CTNNA3: variants seen among roughly 807,000 people sequenced by gnomAD.
CTNNA3 encodes the protein catenin alpha-3.
Under a neutral mutation model 95.7 loss-of-function variants are expected in CTNNA3, and 76 were observed. The ratio of observed to expected loss-of-function variants is 0.79; its 90% CI spans 0.66 to 0.96. The LOEUF (loss-of-function observed/expected upper bound fraction) is 0.96. Ranked by LOEUF, CTNNA3 falls within the 40% of genes least tolerant of loss-of-function variation. The pLI is 0.00. For synonymous variants in CTNNA3, 431 were observed against 374.4 expected (o/e 1.15, Z -1.74); for missense variants, 1,191 against 1,089.8 (o/e 1.09, Z -1.31).
At chr10:66,360,816 CCTTTCTTTCTTTCTTTCTTTCTTT>C (rs758092288) in intron 12 of CTNNA3, among the ~76,000 whole-genome samples, 2 of 50,226 alleles carry the variant, frequency 4.0e-5, no homozygotes, top group African/African-American at 1.6e-4. Context: ...TTCCTTCCTT[CCTTTCTTTCTTTCTTTCTTTCTTT>C]CTTTCTTTCT....
intron 13 of CTNNA3, among the ~76,000 whole-genome samples, chr10:66,230,839 T>G (rs1001652742): frequency 3.9e-5 from 6 of 152,176 alleles, no homozygotes; most frequent in African/African-American, 1.2e-4. Context: ...TATGCCCTGA[T>G]GTATAGAGCT....
chr10:67,711,710 T>C (rs1841110594), intron 1 of CTNNA3, among the ~76,000 whole-genome samples: 1 of 150,220 alleles, frequency 6.7e-6, no homozygotes, highest in South Asian at 2.1e-4. Flanking sequence ...ATTAGGTATA[T>C]CTCCCGATGC....
chr10:67,737,445 A>G (rs1841308832), intron 1 of CTNNA3, among the ~76,000 whole-genome samples: 1 of 152,164 alleles, frequency 6.6e-6, no homozygotes, highest in Non-Finnish European at 1.5e-5. Flanking sequence ...AAGAACTAGA[A>G]AAGCAGGAAC....
intron 7 of CTNNA3, among the ~76,000 whole-genome samples, chr10:67,092,529 A>C (rs561487647): frequency 6.6e-6 from 1 of 152,114 alleles, no homozygotes; most frequent in African/African-American, 2.4e-5. Context: ...ATTCATATGA[A>C]TGTTCATATA....
At chr10:67,658,946 T>C (rs117570324) in intron 1 of CTNNA3, among the ~76,000 whole-genome samples, 4,570 of 152,216 alleles carry the variant, frequency 0.03, 78 homozygotes, top group Middle Eastern at 0.075. Context: ...TTTTGAAAAA[T>C]GATCAAATTG....
At chr10:66,654,818 C>T (rs1409203534) in intron 9 of CTNNA3, among the ~76,000 whole-genome samples, 1 of 152,004 alleles carries the variant, frequency 6.6e-6, no homozygotes, top group African/African-American at 2.4e-5. Flanking sequence ...CATGGATCCA[C>T]CTGAGGGACA....
intron 12 of CTNNA3, among the ~76,000 whole-genome samples, chr10:66,333,424 T>C (rs2092355635): frequency 6.6e-6 from 1 of 152,096 alleles, no homozygotes; most frequent in Non-Finnish European, 1.5e-5. Flanking sequence ...TTCTGGTATG[T>C]TGTGTCTTTG....
chr10:66,134,263 A>G (rs2083253003), intron 13 of CTNNA3, among the ~76,000 whole-genome samples: 1 of 152,150 alleles, frequency 6.6e-6, no homozygotes, highest in African/African-American at 2.4e-5. Context: ...CAAAAAATTT[A>G]AAATCTTAAT....
chr10:66,584,924 T>A (rs1189541451), intron 10 of CTNNA3, among the ~76,000 whole-genome samples: 3 of 152,068 alleles, frequency 2.0e-5, no homozygotes, highest in Non-Finnish European at 4.4e-5. Context: ...AGAAAAACTA[T>A]TTCTCCTTTA....
intron 1 of CTNNA3, among the ~76,000 whole-genome samples, chr10:67,728,091 TGTAATATACATACATATAC>T (rs1564841947): frequency 7.0e-6 from 1 of 143,444 alleles, no homozygotes; most frequent in African/African-American, 2.5e-5. Flanking sequence ...TTATATAATA[TGTAATATACATACATATAC>T]ATAGGTGTAT....
intron 5 of CTNNA3, among the ~76,000 whole-genome samples, chr10:67,316,223 A>G (rs1218421507): frequency 6.6e-6 from 1 of 152,170 alleles, no homozygotes; most frequent in Non-Finnish European, 1.5e-5. Context: ...CTAAAATTAC[A>G]TCTAGCTATA....
chr10:65,999,077 C>A (rs1169646849), intron 15 of CTNNA3, among the ~76,000 whole-genome samples: 2 of 152,046 alleles, frequency 1.3e-5, no homozygotes, highest in African/African-American at 4.8e-5. Flanking sequence ...ACAAAGATTG[C>A]TTTGTAATAA....
At chr10:67,102,895 G>A (rs190481314) in intron 7 of CTNNA3, among the ~76,000 whole-genome samples, 6 of 151,816 alleles carry the variant, frequency 4.0e-5, no homozygotes, top group Non-Finnish European at 8.8e-5. Flanking sequence ...AGCAGTTTCA[G>A]TCATTTCCAC....
intron 2 of CTNNA3, among the ~76,000 whole-genome samples, chr10:67,628,116 T>C (rs1025849088): frequency 1.3e-4 from 19 of 151,546 alleles, no homozygotes; most frequent in African/African-American, 4.1e-4. Flanking sequence ...AAATTTACTA[T>C]TTGTTTTTAA....
chr10:65,959,392 C>T (rs912935245), intron 17 of CTNNA3, among the ~76,000 whole-genome samples: 1 of 152,160 alleles, frequency 6.6e-6, no homozygotes, highest in Non-Finnish European at 1.5e-5. Context: ...TGGGCTGTAC[C>T]CACTGTCCAA....
intron 5 of CTNNA3, among the ~76,000 whole-genome samples, chr10:67,310,221 G>A (rs1234755137): frequency 6.6e-6 from 1 of 152,090 alleles, no homozygotes; most frequent in African/African-American, 2.4e-5. Context: ...TTTTACCACT[G>A]TAAACCCTCT....
chr10:66,548,547 G>C (rs532254879), intron 10 of CTNNA3, among the ~76,000 whole-genome samples: 7 of 151,932 alleles, frequency 4.6e-5, no homozygotes, highest in Non-Finnish European at 8.8e-5. Flanking sequence ...TATTCCATTA[G>C]ATGTTATAGA....
chr10:67,630,315 G>A (rs901135990), intron 2 of CTNNA3, among the ~76,000 whole-genome samples: 1 of 152,168 alleles, frequency 6.6e-6, no homozygotes, highest in Non-Finnish European at 1.5e-5. Flanking sequence ...GTAAATAGAG[G>A]ATTGACATAT....
intron 10 of CTNNA3, among the ~76,000 whole-genome samples, chr10:66,572,526 A>G (rs1261847812): frequency 6.6e-6 from 1 of 152,030 alleles, no homozygotes; most frequent in East Asian, 1.9e-4. Flanking sequence ...ATGATTGATA[A>G]TCACATTCTG....
Sources: gnomAD v4.1 joint callset for allele counts (sites outside exome capture counted in the v4.1 genomes callset) on GRCh38, gnomAD v4.1.1 for gene constraint, MANE v1.5 for transcripts, NCBI Gene and HGNC (gene_info 2026-07-23, HGNC 2026-07-21) for gene names.